The following FHIT variants were observed in gnomAD, a reference collection of about 807,000 sequenced individuals.
FHIT encodes the protein bis(5'-adenosyl)-triphosphatase.
FHIT carries 19 observed loss-of-function variants against 17.9 expected under a neutral mutation model. The ratio of observed to expected loss-of-function variants is 1.06; its 90% confidence interval spans 0.74 to 1.56. The LOEUF is 1.56. Ranked by LOEUF, FHIT falls within the 40% of genes most tolerant of loss-of-function variation. FHIT has a pLI of 0.00. For synonymous variants in FHIT, 81 were observed against 69.7 expected, an observed-to-expected ratio of 1.16 and a Z score of -0.81; for missense variants, 248 against 189.2, an observed-to-expected ratio of 1.31 and a Z score of -1.82.
In FHIT at chr3:59,752,201, T is replaced by A. The variant is rs1364901033; in HGVS notation, c.*5+20A>T. The A allele has an allele frequency of 1.3e-6, 2 of 1,571,922 alleles. No homozygotes were observed. The highest frequency in any genetic ancestry group is 1.7e-4 in the Middle Eastern group (1 of 5,972). ...GAGGCCCACGGGAGGGTCTGGGTAA[T>A]GACGAAATGCAGTCTTTACCTGTGT... On this transcript the variant is annotated intron_variant, in intron 9 of 9. Coordinates refer to ENST00000492590, the MANE Select transcript of FHIT (RefSeq NM_002012.4).
chr3:60,371,641 C>T (rs182263523), intron 5 of FHIT, among the ~76,000 whole-genome samples: 5 of 152,198 alleles, frequency 3.3e-5, no homozygotes, highest in East Asian at 3.9e-4. Context: ...TATCATTCTG[C>T]TCTATGATGT....
intron 4 of FHIT, among the ~76,000 whole-genome samples, chr3:60,711,710 A>T (rs1553705180): frequency 6.6e-6 from 1 of 152,218 alleles, no homozygotes; most frequent in Non-Finnish European, 1.5e-5. Context: ...TGAAGTGAGA[A>T]GGGAAGTTTA....
chr3:60,931,746 G>T (rs915027280), intron 3 of FHIT, among the ~76,000 whole-genome samples: 1 of 152,168 alleles, frequency 6.6e-6, no homozygotes, highest in Non-Finnish European at 1.5e-5. Context: ...TGACAGTCCA[G>T]CAATTTTATT....
At position 60,438,969 on chromosome 3, in the gene FHIT, T is replaced by C. The variant is rs112600552; in HGVS notation, c.103+97891A>G. On this transcript the variant is annotated intron_variant, in intron 5 of 9. Coordinates refer to ENST00000492590, the MANE Select transcript of FHIT (RefSeq NM_002012.4). Reference sequence around the variant, plus strand: ...ATGATTTAAGAATATAAGAGACTGATGAAATATGCGGAAGAAAATAGAGCC... The same window carrying C: ...ATGATTTAAGAATATAAGAGACTGACGAAATATGCGGAAGAAAATAGAGCC... 7.0e-4 allele frequency among the ~76,000 whole-genome samples: 106 copies of C among 152,264 alleles called. 1 individual carries two copies. Among genetic ancestry groups the C allele is most frequent in the African/African-American group, 2.5e-3 (104 of 41,578 alleles).
At chr3:60,165,290 C>T (rs1464485368) in intron 5 of FHIT, among the ~76,000 whole-genome samples, 1 of 152,212 alleles carries the variant, frequency 6.6e-6, no homozygotes, top group African/African-American at 2.4e-5. Context: ...AGCATTCACC[C>T]TGTTGTTTCC....
chr3:61,143,275 A>T (rs1221775250), intron 2 of FHIT, among the ~76,000 whole-genome samples: 1 of 152,208 alleles, frequency 6.6e-6, no homozygotes, highest in African/African-American at 2.4e-5. Flanking sequence ...AGAAAAAAAC[A>T]GTCATGAGTA....
At chr3:59,890,413 G>A (rs939895442) in intron 8 of FHIT, among the ~76,000 whole-genome samples, 9 of 152,128 alleles carry the variant, frequency 5.9e-5, no homozygotes, top group African/African-American at 1.4e-4. Flanking sequence ...AGGGCTGCCC[G>A]TGAAACTTCT....
At chr3:60,774,137 G>A (rs889860617) in intron 4 of FHIT, among the ~76,000 whole-genome samples, 4 of 152,130 alleles carry the variant, frequency 2.6e-5, no homozygotes, top group African/African-American at 9.7e-5. Flanking sequence ...TATTCCATTT[G>A]ATACTTAACA....
rs189016763 is a variant in FHIT at position 60,864,350 on chromosome 3, C to T, written c.-110-42339G>A. Among the ~76,000 whole-genome samples, 449 of 152,190 alleles carry T rather than the reference C, an allele frequency of 3.0e-3. 1 individual carries two copies. Among genetic ancestry groups the T allele is most frequent in the Admixed American group, 6.9e-3 (105 of 15,260 alleles). On this transcript the variant is annotated intron_variant, in intron 3 of 9. Coordinates refer to ENST00000492590, the MANE Select transcript of FHIT (RefSeq NM_002012.4). ...AGGTGAAGAAACCAGCCTAAAGTTACTATCGGTAAGTGGTGGAGCTGGAAT... is the reference window on the plus strand; with the variant it reads ...AGGTGAAGAAACCAGCCTAAAGTTATTATCGGTAAGTGGTGGAGCTGGAAT...
At chr3:60,057,473 T>C (rs576235521) in intron 5 of FHIT, among the ~76,000 whole-genome samples, 14 of 152,178 alleles carry the variant, frequency 9.2e-5, no homozygotes, top group Middle Eastern at 6.8e-3. Context: ...GCCATGAAAA[T>C]GAAATTCTGA....
chr3:60,195,129 C>T (rs909832635), intron 5 of FHIT, among the ~76,000 whole-genome samples: 1 of 151,972 alleles, frequency 6.6e-6, no homozygotes, highest in Non-Finnish European at 1.5e-5. Flanking sequence ...TCGCGCCATT[C>T]CACTCCAGCC....
intron 5 of FHIT, among the ~76,000 whole-genome samples, chr3:60,129,436 C>G (rs1158442330): frequency 6.6e-6 from 1 of 152,164 alleles, no homozygotes; most frequent in East Asian, 1.9e-4. Context: ...GTGTCCTGTA[C>G]ATGTAAATAT....
chr3:60,062,372 G>A (rs961300828), intron 5 of FHIT, among the ~76,000 whole-genome samples: 1 of 152,148 alleles, frequency 6.6e-6, no homozygotes, highest in Non-Finnish European at 1.5e-5. Flanking sequence ...GAGAGTAACT[G>A]TCGTAACACT....
At chr3:60,968,413 G>A (rs982668872) in intron 3 of FHIT, among the ~76,000 whole-genome samples, 3 of 137,422 alleles carry the variant, frequency 2.2e-5, no homozygotes, top group African/African-American at 8.4e-5. Flanking sequence ...GAAGTCTGCT[G>A]TAGGACTTTT....
intron 3 of FHIT, among the ~76,000 whole-genome samples, chr3:61,000,890 C>T (rs1280597652): frequency 6.6e-6 from 1 of 152,000 alleles, no homozygotes; most frequent in African/African-American, 2.4e-5. Context: ...GCAGTGAGGC[C>T]CTAGGCCATC....
chr3:60,111,791 C>T (rs571588627), intron 5 of FHIT, among the ~76,000 whole-genome samples: 1 of 152,318 alleles, frequency 6.6e-6, no homozygotes, highest in South Asian at 2.1e-4. Flanking sequence ...TTTGTATCCA[C>T]ATACCGAGCC....
intron 4 of FHIT, among the ~76,000 whole-genome samples, chr3:60,793,325 A>T (rs1287985842): frequency 4.1e-5 from 6 of 146,354 alleles, no homozygotes; most frequent in African/African-American, 1.6e-4. Context: ...TTTTTGAGAC[A>T]GAGTGTTGCT....
At chr3:60,775,583 T>G (rs9840977) in intron 4 of FHIT, among the ~76,000 whole-genome samples, 87,285 of 151,954 alleles carry the variant, frequency 0.57, 26,631 homozygotes, top group African/African-American at 0.77. Flanking sequence ...GACGGACAAG[T>G]ACCCTGTCTT....
At chr3:60,010,378 TACATAA>T (rs1700094184) in intron 7 of FHIT, among the ~76,000 whole-genome samples, 1 of 152,200 alleles carries the variant, frequency 6.6e-6, no homozygotes, top group South Asian at 2.1e-4. Context: ...TGGCAGTCCC[TACATAA>T]ACTTTCACTG....
Sources: gnomAD v4.1 joint callset for allele counts (sites outside exome capture counted in the v4.1 genomes callset) on GRCh38, gnomAD v4.1.1 for gene constraint, MANE v1.5 for transcripts, NCBI Gene and HGNC (gene_info 2026-07-23, HGNC 2026-07-21) for gene names.